CDH4: variants seen among roughly 807,000 people sequenced by gnomAD.
CDH4 encodes cadherin 4.
Under a neutral mutation model 86.0 loss-of-function variants are expected in CDH4, and 33 were observed. That is an observed-to-expected ratio of 0.38 (90% CI 0.29 to 0.51). The LOEUF (loss-of-function observed/expected upper bound fraction) is 0.51. Ranked by LOEUF, CDH4 falls within the 20% of genes least tolerant of loss-of-function variation. The pLI is 0.86. For synonymous variants in CDH4, 555 were observed against 549.4 expected (o/e 1.01, Z -0.14); for missense variants, 1,114 against 1,307.4 (o/e 0.85, Z 2.28).
At chr20:61,360,332 G>A (rs28407743) in intron 2 of CDH4, among the ~76,000 whole-genome samples, 116,670 of 152,194 alleles carry the variant, frequency 0.77, 45,255 homozygotes, top group South Asian at 0.89. Flanking sequence ...AGTAGAAGAG[G>A]TGCCTATTGG....
chr20:61,555,651 T>C (rs2086171922), intron 2 of CDH4, among the ~76,000 whole-genome samples: 1 of 152,228 alleles, frequency 6.6e-6, no homozygotes, highest in African/African-American at 2.4e-5. Context: ...CACCCTTTAT[T>C]CGACAACTCC....
At chr20:61,443,555 A>C (rs1379764741) in intron 2 of CDH4, among the ~76,000 whole-genome samples, 1 of 152,232 alleles carries the variant, frequency 6.6e-6, no homozygotes, top group Non-Finnish European at 1.5e-5. Context: ...CACAGCTGTC[A>C]CGCCAGCAGT....
At chr20:61,687,433 C>T (rs1029817204) in intron 2 of CDH4, among the ~76,000 whole-genome samples, 2 of 152,114 alleles carry the variant, frequency 1.3e-5, no homozygotes, top group African/African-American at 2.4e-5. Flanking sequence ...GATGGGCGCC[C>T]CCGGGGACCC....
At chr20:61,809,759 T>A (rs142165886) in intron 4 of CDH4, among the ~76,000 whole-genome samples, 1 of 152,282 alleles carries the variant, frequency 6.6e-6, no homozygotes, top group African/African-American at 2.4e-5. Context: ...TGGGAGGCTG[T>A]TTGGACGAAG....
intron 8 of CDH4, among the ~76,000 whole-genome samples, chr20:61,905,979 G>A (rs2054784187): frequency 6.6e-6 from 1 of 152,124 alleles, no homozygotes; most frequent in Admixed American, 6.5e-5. Context: ...ACGCTCCCCT[G>A]GACCATGCTT....
chr20:61,418,593 A>T (rs1052164182), intron 2 of CDH4, among the ~76,000 whole-genome samples: 4 of 152,154 alleles, frequency 2.6e-5, no homozygotes, highest in Non-Finnish European at 4.4e-5. Flanking sequence ...AGATGGGCTG[A>T]TAATGGCACT....
rs183593488 is a variant in CDH4, at chr20:61,485,020, C to T, written c.169+230083C>T. ...CATATGCAAGCATTAATATGGTCAC[C>T]GGCTGCCTGGTAAGAAATAAGAATT... On this transcript the variant is annotated intron_variant, in intron 2 of 15. Coordinates refer to ENST00000614565, the MANE Select transcript of CDH4 (RefSeq NM_001794.5). Among the ~76,000 whole-genome samples the T allele has an allele frequency of 5.3e-5, 8 of 152,276 alleles. No individual in the cohort carries two copies. In the South Asian group the frequency reaches 6.2e-4, roughly 12 times the overall value.
chr20:61,923,854 G>A, intron 10 of CDH4, 150 bp downstream of exon 10: 1 of 959,184 alleles, frequency 1.0e-6, no homozygotes, highest in Middle Eastern at 3.3e-4. Flanking sequence ...TTCCAGGAGG[G>A]AGCCGCAGCC....
intron 2 of CDH4, among the ~76,000 whole-genome samples, chr20:61,397,198 C>A (rs539508849): frequency 6.6e-6 from 1 of 152,192 alleles, no homozygotes; most frequent in Non-Finnish European, 1.5e-5. Flanking sequence ...GTGTGCACCA[C>A]CGCAACTGGC....
chr20:61,791,696 G>A (rs1979210297), intron 4 of CDH4, among the ~76,000 whole-genome samples: 1 of 152,208 alleles, frequency 6.6e-6, no homozygotes, highest in Non-Finnish European at 1.5e-5. Context: ...AGGCTGGGAT[G>A]GGGAGCAAGG....
At chr20:61,416,669 A>C (rs1174712862) in intron 2 of CDH4, among the ~76,000 whole-genome samples, 24 of 152,176 alleles carry the variant, frequency 1.6e-4, no homozygotes, top group Admixed American at 1.6e-3. Flanking sequence ...ATCGGTGTGC[A>C]TTAGACACTC....
chr20:61,853,459 G>A (rs1446610897), intron 6 of CDH4, among the ~76,000 whole-genome samples: 1 of 152,160 alleles, frequency 6.6e-6, no homozygotes, highest in Non-Finnish European at 1.5e-5. Flanking sequence ...GAGGCTGTCT[G>A]CTCCCCTCAG....
intron 3 of CDH4, among the ~76,000 whole-genome samples, chr20:61,751,482 G>A (rs554810749): frequency 5.9e-5 from 9 of 152,190 alleles, no homozygotes; most frequent in African/African-American, 1.4e-4. Context: ...CTTCATGGAC[G>A]TATAACTCTC....
intron 2 of CDH4, among the ~76,000 whole-genome samples, chr20:61,514,765 T>C (rs1388297448): frequency 6.6e-6 from 1 of 152,230 alleles, no homozygotes; most frequent in Non-Finnish European, 1.5e-5. Flanking sequence ...TTATTGTGCC[T>C]CTCAAAACAC....
At chr20:61,888,346 G>A (rs1984639467) in intron 7 of CDH4, among the ~76,000 whole-genome samples, 1 of 152,222 alleles carries the variant, frequency 6.6e-6, no homozygotes, top group African/African-American at 2.4e-5. Flanking sequence ...CCTACCTAGA[G>A]GCAGAGCCAA....
intron 2 of CDH4, among the ~76,000 whole-genome samples, chr20:61,440,782 G>A (rs79460880): frequency 0.038 from 5,760 of 152,268 alleles, 376 homozygotes; most frequent in African/African-American, 0.13. Context: ...CAGGTGTCCC[G>A]ATGCCTCTGG....
chr20:61,459,471 C>A (rs978513696), intron 2 of CDH4, among the ~76,000 whole-genome samples: 3 of 146,406 alleles, frequency 2.0e-5, no homozygotes, highest in Admixed American at 6.9e-5. Flanking sequence ...GGGGTGCCTG[C>A]GCCCCCCAGG....
At chr20:61,318,424 AT>A (rs2084489494) in intron 2 of CDH4, among the ~76,000 whole-genome samples, 1 of 152,078 alleles carries the variant, frequency 6.6e-6, no homozygotes, top group Non-Finnish European at 1.5e-5. Flanking sequence ...TGTGACAATG[AT>A]TTGAACTGAC....
intron 2 of CDH4, among the ~76,000 whole-genome samples, chr20:61,444,266 T>TCTCC (rs1452561525): frequency 5.7e-4 from 80 of 141,304 alleles, no homozygotes; most frequent in Non-Finnish European, 6.4e-4. Context: ...TATCTATGTG[T>TCTCC]GTGTGTGTAT....
Sources: gnomAD v4.1 joint callset for allele counts (sites outside exome capture counted in the v4.1 genomes callset) on GRCh38, gnomAD v4.1.1 for gene constraint, MANE v1.5 for transcripts, NCBI Gene and HGNC (gene_info 2026-07-23, HGNC 2026-07-21) for gene names.